Variants in SCN4A observed in about 807,000 individuals in gnomAD.
The protein encoded by SCN4A is sodium voltage-gated channel alpha subunit 4, also known as sodium channel protein type 4 subunit alpha.
A neutral mutation model predicts 162.0 loss-of-function variants in SCN4A; 83 were observed. That is an observed-to-expected ratio of 0.51 (90% CI 0.43 to 0.61). The LOEUF (loss-of-function observed/expected upper bound fraction) is 0.61. SCN4A is among the 20% of genes least tolerant of loss of function. The pLI, the probability that SCN4A is intolerant of heterozygous loss-of-function variation, is 0.00. For synonymous variants in SCN4A, 944 were observed against 985.1 expected, an observed-to-expected ratio of 0.96 and a Z score of 0.78; for missense variants, 2,196 against 2,462.5, an observed-to-expected ratio of 0.89 and a Z score of 2.29.
At position 63,948,639 on chromosome 17, in the gene SCN4A, A is replaced by G. The variant is rs753280162; in HGVS notation, c.3116T>C (p.Phe1039Ser). Reference sequence around the variant, plus strand: ...AGCCCCACTGCTGAGCAGGATCATGAAGACAATGAAGGTCTCGAACCAGTT... The same window carrying G: ...AGCCCCACTGCTGAGCAGGATCATGGAGACAATGAAGGTCTCGAACCAGTT... ...EHNWFETFIV[F>S]MILLSSGALA... The change falls in exon 16 of 24, where the codon TTC (phenylalanine) becomes TCC (serine). Residue 1039 changes from phenylalanine (F) to serine (S), a missense_variant. Coordinates refer to ENST00000435607, the MANE Select transcript of SCN4A (RefSeq NM_000334.4). 6.2e-7 allele frequency: 1 copy of G among 1,613,696 alleles called. No individual in the cohort carries two copies. Among genetic ancestry groups the G allele is most frequent in the African/African-American group, 1.3e-5 (1 of 74,928 alleles).
intron 15 of SCN4A, among the ~76,000 whole-genome samples, chr17:63,949,006 G>T (rs1187922778): frequency 6.6e-6 from 1 of 152,156 alleles, no homozygotes; most frequent in Non-Finnish European, 1.5e-5. Context: ...CAGAGGAAAG[G>T]CCTCCTGGCC....
chr17:63,952,499 A>T (rs772308339), intron 13 of SCN4A, among the ~76,000 whole-genome samples: 16 of 152,156 alleles, frequency 1.1e-4, no homozygotes, highest in Non-Finnish European at 1.9e-4. Context: ...GATGCGGAAC[A>T]AAGAACTGGG....
intron 4 of SCN4A, 44 bp from the exon 5 acceptor site, chr17:63,971,297 G>A (rs1381416266): frequency 9.6e-7 from 1 of 1,044,130 alleles, no homozygotes; most frequent in South Asian, 1.3e-5. Context: ...AGAGCCTGGG[G>A]TGGGTGGTAG....
chr17:63,948,373 TATC>T (rs1908796447), intron 16 of SCN4A, among the ~76,000 whole-genome samples: 1 of 152,120 alleles, frequency 6.6e-6, no homozygotes, highest in Non-Finnish European at 1.5e-5. Flanking sequence ...CCTGCCTCCT[TATC>T]AGCAGAGAGT....
At position 63,942,982 on chromosome 17, in the gene SCN4A, T is replaced by C. The variant is rs1279747940; in HGVS notation, c.4132A>G (p.Ser1378Gly). The C allele has an allele frequency of 1.2e-6, 2 of 1,613,892 alleles. No individual in the cohort carries two copies. The highest frequency in any genetic ancestry group is 1.7e-6 in the Non-Finnish European group (2 of 1,179,886). The change falls in exon 23 of 24, where the codon AGC becomes GGC. Residue 1378 changes from serine (S) to glycine (G), a missense_variant. Ser to Gly is a moderately conservative substitution (Grantham distance 56). Transcript: ENST00000435607. Reference protein sequence around the residue: ...VTMMVETDNQSQLKVDILYNI... With the variant: ...VTMMVETDNQGQLKVDILYNI... ...TACAGGATGTCCACCTTGAGCTGGC[T>C]CTGGTTGTCTGTCTCCACCATCATG...
intron 10 of SCN4A, among the ~76,000 whole-genome samples, chr17:63,963,457 G>C (rs1041824891): frequency 2.5e-4 from 38 of 152,208 alleles, no homozygotes; most frequent in South Asian, 6.2e-4. Context: ...AGAAATGGCT[G>C]TGATAAATAT....
chr17:63,959,275 G>A lies in SCN4A; in HGVS notation c.2009C>T (p.Ser670Phe). The change falls in exon 12 of 24, where the codon TCC becomes TTC. Residue 670 changes from serine (S) to phenylalanine (F), a missense_variant. Coordinates refer to ENST00000435607, the MANE Select transcript of SCN4A (RefSeq NM_000334.4). ...GGGGCTTTTGTGTACCAGACGGAAG[G>A]AGCGTAGCACAGACAGTCCCTGTAC... ...ANVQGLSVLR[S>F]FRLLRVFKLA... The A allele has an allele frequency of 6.2e-7, 1 of 1,612,176 alleles. No homozygotes were observed. The highest frequency in any genetic ancestry group is 1.7e-4 in the Middle Eastern group (1 of 6,044).
In SCN4A at chr17:63,970,390, C is replaced by T. The variant is rs147368263; in HGVS notation, c.703+772G>A. 2.3e-3 allele frequency among the ~76,000 whole-genome samples: 356 copies of T among 152,234 alleles called. 2 individuals carry two copies. Among genetic ancestry groups the T allele is most frequent in the African/African-American group, 7.8e-3 (322 of 41,534 alleles). On this transcript the variant is annotated intron_variant, in intron 5 of 23. Transcript: ENST00000435607. The stretch of plus-strand genomic sequence containing the variant: ...TAAGGAAACTGAGACATGGACAGGG[C>T]GAGGCACTTGCCCAAAGTTAAAGTT...
At chr17:63,958,242 C>G (rs73326345) in intron 12 of SCN4A, among the ~76,000 whole-genome samples, 11,783 of 150,804 alleles carry the variant, frequency 0.078, 1,121 homozygotes, top group African/African-American at 0.23. Flanking sequence ...GGTGGTCCCA[C>G]CTATGCAGGA....
At chr17:63,954,864 G>C (rs1257274578) in intron 13 of SCN4A, among the ~76,000 whole-genome samples, 1 of 152,208 alleles carries the variant, frequency 6.6e-6, no homozygotes, top group Non-Finnish European at 1.5e-5. Context: ...CACAGAAGCA[G>C]GGCCTGTACT....
At chr17:63,956,808 T>C (rs1314722329) in intron 13 of SCN4A, among the ~76,000 whole-genome samples, 3 of 152,228 alleles carry the variant, frequency 2.0e-5, no homozygotes, top group Admixed American at 6.5e-5. Flanking sequence ...CTCATTATCA[T>C]GTTGCTTTAC....
At chr17:63,949,793 C>T (rs1597972434) in intron 14 of SCN4A, 2 of 329,690 alleles carry the variant, frequency 6.1e-6, no homozygotes, top group East Asian at 1.0e-4. Flanking sequence ...AGGACACATG[C>T]GAAGGCCTCA....
rs1272174300 is a variant in SCN4A at position 63,940,633 on chromosome 17, TG to T, written c.*137del. 10 of 1,096,836 alleles carry T rather than the reference TG, an allele frequency of 9.1e-6. No homozygotes were observed. Among genetic ancestry groups the T allele is most frequent in the Admixed American group, 3.0e-5 (1 of 33,608 alleles). 67.9% of individuals were successfully genotyped at this position (1,096,836 alleles called of 1,614,324 possible). A position where few individuals can be genotyped will look rare whatever the true frequency, so the allele number is the denominator to read the frequency against. On this transcript the variant is annotated 3_prime_UTR_variant, in exon 24 of 24. Transcript: ENST00000435607. ...TCGGGCCTGGGTGTCAGCCCCAGTGTGGCCAAATCCTGTCCCCCATCAGGGA... is the reference window on the plus strand; with the variant it reads ...TCGGGCCTGGGTGTCAGCCCCAGTGTGCCAAATCCTGTCCCCCATCAGGGA...
chr17:63,941,363 A>G lies in SCN4A; in HGVS notation c.4919T>C (p.Leu1640Pro), dbSNP rs1183260353. ...CTGCAGGGTGTCCACGAAGTCTGAG[A>G]GGCGGCTGTAGGCGATGAACTGGGT... ...DATQFIAYSRLSDFVDTLQEP... is the reference protein window; with the variant it reads ...DATQFIAYSRPSDFVDTLQEP... Residue 1640 changes from leucine to proline, a missense_variant, in exon 24 of 24, where the codon CTC becomes CCC. Transcript: ENST00000435607. This position sits in a 1 kb window ranked among gnomAD's most constrained non-coding sequence, Gnocchi z 6.2. 1.4e-5 allele frequency: 22 copies of G among 1,613,694 alleles called. No individual in the cohort carries two copies. The highest frequency in any genetic ancestry group is 2.7e-5 in the African/African-American group (2 of 74,846).
In SCN4A at chr17:63,968,367, G is replaced by A; in HGVS notation, c.704-12C>T. 6.3e-7 allele frequency: 1 copy of A among 1,575,324 alleles called. No homozygotes were observed. Among genetic ancestry groups the A allele is most frequent in the Non-Finnish European group, 8.6e-7 (1 of 1,156,556 alleles). On this transcript the variant is annotated splice_polypyrimidine_tract_variant and intron_variant, in intron 5 of 23. Coordinates refer to ENST00000435607, the MANE Select transcript of SCN4A (RefSeq NM_000334.4). ...GATCGTCTTCAGCCCTGACCGCAGA[G>A]AGGGCAAGGATATTGGCAGGGGGCA...
At chr17:63,968,887 T>G (rs1480164272) in intron 5 of SCN4A, among the ~76,000 whole-genome samples, 1 of 152,242 alleles carries the variant, frequency 6.6e-6, no homozygotes, top group Non-Finnish European at 1.5e-5. Flanking sequence ...TCACCCAGGC[T>G]GGAATGCAGT....
rs1246194646 is a variant in SCN4A at position 63,961,229 on chromosome 17, C to T, written c.1809G>A (p.Thr603=). The T allele has an allele frequency of 1.9e-6, 3 of 1,612,028 alleles. No individual in the cohort carries two copies. Among genetic ancestry groups the T allele is most frequent in the Non-Finnish European group, 1.7e-6 (2 of 1,179,122 alleles). The change falls in exon 11 of 24, where the codon ACG becomes ACA. Residue 603 remains threonine, a synonymous_variant. Transcript: ENST00000435607. The part of the protein sequence containing the change: ...LFMAMEHYPM[T]EHFDNVLTVG... Reference sequence around the variant, plus strand: ...CAGTGAGCACGTTGTCAAAGTGCTCCGTCATGGGGTAATGTTCCATGGCCA... The same window carrying T: ...CAGTGAGCACGTTGTCAAAGTGCTCTGTCATGGGGTAATGTTCCATGGCCA...
chr17:63,961,501 C>T (rs1909255198), intron 10 of SCN4A, 70 bp from the exon 11 acceptor site: 1 of 1,162,234 alleles, frequency 8.6e-7, no homozygotes, highest in Non-Finnish European at 1.3e-6. Flanking sequence ...CCAGCTAGAG[C>T]TTTTGTTCCA....
In SCN4A at chr17:63,972,635, T is replaced by C. The variant is rs1224393158; in HGVS notation, c.207A>G (p.Gly69=). Residue 69 remains glycine, a synonymous_variant, in exon 1 of 24, where the codon GGA becomes GGG. Coordinates refer to ENST00000435607, the MANE Select transcript of SCN4A (RefSeq NM_000334.4). This position sits in a 1 kb window ranked among gnomAD's most constrained non-coding sequence, Gnocchi z 4.3. ...EAGKNLPMIY[G]DPPPEVIGIP... is the part of the protein sequence containing the mutation. The stretch of plus-strand genomic sequence containing the variant: ...TGCCGATGACCTCCGGCGGGGGGTC[T>C]CCGTAGATCATGGGTAGGTTCTTGC... The C allele has an allele frequency of 1.2e-6, 2 of 1,610,482 alleles. No homozygotes were observed. The highest frequency in any genetic ancestry group is 1.7e-5 in the Admixed American group (1 of 59,418).
Sources: allele counts gnomAD v4.1 joint callset (sites outside exome capture counted in the v4.1 genomes callset), GRCh38; gene constraint gnomAD v4.1.1; non-coding constraint Gnocchi (gnomAD v3.1); transcripts MANE v1.5; gene names NCBI Gene and HGNC (gene_info 2026-07-23, HGNC 2026-07-21).